The following DPP6 variants were observed in gnomAD, a reference collection of about 807,000 sequenced individuals.
DPP6 encodes A-type potassium channel modulatory protein DPP6.
In DPP6, 69 loss-of-function variants were observed where a neutral mutation model predicts 122.6. The ratio of observed to expected loss-of-function variants is 0.56; its 90% CI spans 0.46 to 0.69. DPP6 has a LOEUF of 0.69. Ranked by LOEUF, DPP6 falls within the 30% of genes least tolerant of loss-of-function variation. The pLI is 0.00. For synonymous variants in DPP6, 418 were observed against 433.1 expected (o/e 0.97, Z 0.43); for missense variants, 928 against 1,116.9 (o/e 0.83, Z 2.41).
At chr7:154,243,744 C>T (rs987792558) in intron 1 of DPP6, among the ~76,000 whole-genome samples, 6 of 151,614 alleles carry the variant, frequency 4.0e-5, no homozygotes, top group East Asian at 1.9e-4. Context: ...TGCAGTGAGC[C>T]GAGATCACGC....
At chr7:154,702,237 T>G (rs1233532059) in intron 7 of DPP6, among the ~76,000 whole-genome samples, 1 of 152,240 alleles carries the variant, frequency 6.6e-6, no homozygotes, top group East Asian at 1.9e-4. Flanking sequence ...GGCCTCCCTA[T>G]TCCTTGACAC....
At chr7:154,733,977 C>T (rs1449888073) in intron 8 of DPP6, among the ~76,000 whole-genome samples, 1 of 152,224 alleles carries the variant, frequency 6.6e-6, no homozygotes, top group Non-Finnish European at 1.5e-5. Context: ...GTGCTGAGTA[C>T]CTGCTTCCTG....
intron 1 of DPP6, among the ~76,000 whole-genome samples, chr7:154,313,751 A>ACACACACACACACATACACC (rs147976247): frequency 4.4e-5 from 2 of 45,262 alleles, no homozygotes; most frequent in East Asian, 5.7e-4. Flanking sequence ...ACACACACAC[A>ACACACACACACACATACACC]CCCTTACATA....
intron 1 of DPP6, among the ~76,000 whole-genome samples, chr7:154,210,911 C>T (rs911014575): frequency 5.9e-5 from 9 of 152,046 alleles, no homozygotes; most frequent in Non-Finnish European, 1.2e-4. Context: ...TTATTTATAT[C>T]ATCCAATTTG....
chr7:154,729,330 G>A (rs1842222974), intron 8 of DPP6, among the ~76,000 whole-genome samples: 1 of 152,148 alleles, frequency 6.6e-6, no homozygotes, highest in South Asian at 2.1e-4. Flanking sequence ...TCCTAGTGCT[G>A]TGCATGCCTC....
chr7:153,965,638 G>C (rs574760071), intron 1 of DPP6, among the ~76,000 whole-genome samples: 1 of 152,010 alleles, frequency 6.6e-6, no homozygotes, highest in African/African-American at 2.4e-5. Flanking sequence ...TCAGCCTCCC[G>C]AGTAGCTGGG....
chr7:153,999,165 G>A (rs1415852228), intron 1 of DPP6, among the ~76,000 whole-genome samples: 1 of 152,212 alleles, frequency 6.6e-6, no homozygotes, highest in East Asian at 1.9e-4. Flanking sequence ...GAGCTGTATT[G>A]TTCTGTGATG....
At chr7:154,087,682 G>A (rs1804524000) in intron 1 of DPP6, among the ~76,000 whole-genome samples, 1 of 152,102 alleles carries the variant, frequency 6.6e-6, no homozygotes, top group Admixed American at 6.5e-5. Flanking sequence ...GTCCTTTGCT[G>A]CCCCGTTCTT....
Position 154,248,375 on chromosome 7 carries a change from G to A in DPP6, c.243+195312G>A, listed in dbSNP as rs562007922. On this transcript the variant is annotated intron_variant, in intron 1 of 25. Coordinates refer to ENST00000377770, the MANE Select transcript of DPP6 (RefSeq NM_130797.4). ...ATGAAGGAAGCCAGGCAAAAAGGAC[G>A]TGCTCTGTAATTCAGTATGTAAGAA... Among the ~76,000 whole-genome samples, 11 of 152,184 alleles carry A rather than the reference G, an allele frequency of 7.2e-5. No individual in the cohort carries two copies. The South Asian group carries it at 1.9e-3, about 26-fold the overall frequency.
At chr7:153,982,564 C>T (rs1321110063) in intron 1 of DPP6, among the ~76,000 whole-genome samples, 2 of 152,154 alleles carry the variant, frequency 1.3e-5, no homozygotes, top group East Asian at 3.9e-4. Flanking sequence ...AACTCATTCT[C>T]CATCCAGTTT....
At chr7:153,921,556 G>A (rs999059962) in intron 1 of DPP6, among the ~76,000 whole-genome samples, 2 of 152,218 alleles carry the variant, frequency 1.3e-5, no homozygotes, top group Non-Finnish European at 2.9e-5. Context: ...CCAGTAAAGT[G>A]TGTGACGTGT....
intron 16 of DPP6, among the ~76,000 whole-genome samples, chr7:154,811,860 C>G (rs1336657624): frequency 6.6e-6 from 1 of 152,090 alleles, no homozygotes; most frequent in African/African-American, 2.4e-5. Context: ...ATTAGAGACT[C>G]TTGTTTTCTT....
chr7:154,282,438 T>G lies in DPP6; in HGVS notation c.244-163776T>G, dbSNP rs1254260461. On this transcript the variant is annotated intron_variant, in intron 1 of 25. Coordinates refer to ENST00000377770, the MANE Select transcript of DPP6 (RefSeq NM_130797.4). This position sits in a 1 kb window ranked among gnomAD's most constrained non-coding sequence, Gnocchi z 4.8. ...GATTAGCACTGTGCAATGTACTGATTGGTACTGTGTAATTTTTAGGACCTC... is the reference window on the plus strand; with the variant it reads ...GATTAGCACTGTGCAATGTACTGATGGGTACTGTGTAATTTTTAGGACCTC... 1.3e-5 allele frequency among the ~76,000 whole-genome samples: 2 copies of G among 152,178 alleles called. No individual in the cohort carries two copies. Among genetic ancestry groups the G allele is most frequent in the African/African-American group, 4.8e-5 (2 of 41,446 alleles).
At chr7:153,887,517 A>G (rs1451053449) in exon 1 of DPP6, 2 of 669,526 alleles carry the variant, frequency 3.0e-6, no homozygotes, top group African/African-American at 1.8e-5. Flanking sequence ...AGACACGGGC[A>G]GGGGTGCGCG....
chr7:154,588,571 C>G (rs1381512932), intron 5 of DPP6: 2 of 152,894 alleles, frequency 1.3e-5, no homozygotes, highest in Non-Finnish European at 2.9e-5. Context: ...CTACCTCAGT[C>G]TCTGGAAGTT....
chr7:154,155,529 A>G (rs3115175), intron 1 of DPP6, among the ~76,000 whole-genome samples: 8 of 152,184 alleles, frequency 5.3e-5, no homozygotes, highest in African/African-American at 1.7e-4. Context: ...GGAGTGAGTA[A>G]CTGTGTGTCC....
chr7:154,206,258 T>G (rs1038814367), intron 1 of DPP6, among the ~76,000 whole-genome samples: 5 of 152,206 alleles, frequency 3.3e-5, no homozygotes, highest in Non-Finnish European at 2.9e-5. Flanking sequence ...CATCAAGATC[T>G]TTGCCGGTCC....
At chr7:153,882,332 T>G (rs1798778759), upstream of DPP6, among the ~76,000 whole-genome samples, 1 of 152,212 alleles carries the variant, frequency 6.6e-6, no homozygotes, top group Admixed American at 6.5e-5. Flanking sequence ...AGAATAGTTT[T>G]AGTCTCTTTT....
At chr7:154,207,338 G>A (rs1027843119) in intron 1 of DPP6, among the ~76,000 whole-genome samples, 13 of 152,088 alleles carry the variant, frequency 8.5e-5, no homozygotes, top group African/African-American at 2.2e-4. Flanking sequence ...TGGAGGATGC[G>A]TATTTTACTT....
Sources: gnomAD v4.1 joint callset for allele counts (sites outside exome capture counted in the v4.1 genomes callset) on GRCh38, gnomAD v4.1.1 for gene constraint, Gnocchi (gnomAD v3.1) non-coding constraint, MANE v1.5 for transcripts, NCBI Gene and HGNC (gene_info 2026-07-23, HGNC 2026-07-21) for gene names.